MELTF: variants seen among roughly 807,000 people sequenced by gnomAD.
The protein encoded by MELTF is antigen p97 (melanoma associated) identified by monoclonal antibodies 133.2 and 96.5.
A neutral mutation model predicts 83.7 loss-of-function variants in MELTF; 67 were observed. The observed-to-expected ratio is 0.80, with a 90% confidence interval of 0.66 to 0.98. The LOEUF is 0.98. MELTF is among the 50% of genes least tolerant of loss of function. The pLI, the probability that MELTF is intolerant of heterozygous loss-of-function variation, is 0.00. For synonymous variants in MELTF, 462 were observed against 447.6 expected (o/e 1.03, Z -0.41); for missense variants, 1,002 against 1,035.6 (o/e 0.97, Z 0.44).
chr3:197,028,220 G>C (rs551586164), intron 1 of MELTF: 3 of 333,592 alleles, frequency 9.0e-6, no homozygotes, highest in Non-Finnish European at 1.1e-5. Flanking sequence ...GGGAGCACTG[G>C]CTAGGGAGTC....
chr3:197,019,096 G>A (rs192557464), intron 6 of MELTF: 3 of 985,800 alleles, frequency 3.0e-6, no homozygotes, highest in Admixed American at 1.2e-4. Flanking sequence ...ACCCGCACCA[G>A]AGTGATCGTT....
Position 197,008,623 on chromosome 3 carries a change from A to G in MELTF, c.1750+34T>C. The G allele has an allele frequency of 6.2e-7, 1 of 1,602,436 alleles. No individual in the cohort carries two copies. Among genetic ancestry groups the G allele is most frequent in the East Asian group, 2.2e-5 (1 of 44,768 alleles). ...CTGAAGATGGGGAACAGTCCCCCCGACCTACCTTTGGCCCTGCTCTTGCCC... is the reference window on the plus strand; with the variant it reads ...CTGAAGATGGGGAACAGTCCCCCCGGCCTACCTTTGGCCCTGCTCTTGCCC... On this transcript the variant is annotated intron_variant, in intron 13 of 15. Transcript: ENST00000296350. This position sits in a 1 kb window ranked among gnomAD's most constrained non-coding sequence, Gnocchi z 5.4.
Position 197,019,921 on chromosome 3 carries a change from G to GCTGGCAGGTGCGGGGAGATAA in MELTF, c.712+1462_712+1482dup, listed in dbSNP as rs1719553662. 2.9e-6 allele frequency: 4 copies of GCTGGCAGGTGCGGGGAGATAA among 1,380,718 alleles called. No individual in the cohort carries two copies. In the Admixed American group the frequency reaches 1.1e-4, roughly 38 times the overall value. The allele number at this position is 1,380,718 out of a possible 1,614,324, so 85.5% of individuals were successfully genotyped here. A position where few individuals can be genotyped will look rare whatever the true frequency, so the allele number is the denominator to read the frequency against. ...AGACAGAACGGTGTGTTTGCTGCTT[G>GCTGGCAGGTGCGGGGAGATAA]CTGGCAGGTGCGGGGAGATAACTAG... is the stretch of plus-strand genomic sequence containing the variant. On this transcript the variant is annotated intron_variant, in intron 6 of 15. Coordinates refer to ENST00000296350, the MANE Select transcript of MELTF (RefSeq NM_005929.6).
intron 6 of MELTF, among the ~76,000 whole-genome samples, chr3:197,018,442 C>A (rs910837993): frequency 1.4e-5 from 2 of 143,178 alleles, no homozygotes; most frequent in African/African-American, 5.2e-5. Flanking sequence ...TGAGCCTCCA[C>A]ACCTGGCCTT....
chr3:197,015,546 C>A (rs199842909), intron 8 of MELTF, 30 bp from the exon 9 acceptor site: 1 of 1,592,396 alleles, frequency 6.3e-7, no homozygotes, highest in African/African-American at 1.3e-5. Flanking sequence ...CGGTCACTGC[C>A]AGGCCAGTAC....
rs1719069071 is a variant in MELTF at position 197,008,791 on chromosome 3, G to T, written c.1682+18C>A. 1 of 1,613,986 alleles carries T rather than the reference G, an allele frequency of 6.2e-7. No homozygotes were observed. Among genetic ancestry groups the T allele is most frequent in the Non-Finnish European group, 8.5e-7 (1 of 1,179,938 alleles). On this transcript the variant is annotated intron_variant, in intron 12 of 15. Transcript: ENST00000296350. This position sits in a 1 kb window ranked among gnomAD's most constrained non-coding sequence, Gnocchi z 5.4. The stretch of plus-strand genomic sequence containing the variant: ...CAGCCTCTGCACACAGCCCCAGACT[G>T]CCAGGCCACCCGGGTACCTGAAGGC...
rs1718831851 is a variant in MELTF at position 197,003,383 on chromosome 3, G to A, written c.2206C>T (p.Pro736Ser). The A allele has an allele frequency of 5.5e-6, 6 of 1,082,780 alleles. No homozygotes were observed. Among genetic ancestry groups the A allele is most frequent in the Admixed American group, 5.3e-5 (1 of 18,908 alleles). The allele number at this position is 1,082,780 out of a possible 1,614,324, so 67.1% of individuals were successfully genotyped here. Residue 736 changes from proline to serine, a missense_variant, in exon 16 of 16, where the codon CCC becomes TCC. Physicochemically the swap from Pro to Ser is moderately conservative, Grantham distance 74. Coordinates refer to ENST00000296350, the MANE Select transcript of MELTF (RefSeq NM_005929.6). This position sits in a 1 kb window ranked among gnomAD's most constrained non-coding sequence, Gnocchi z 6.2. The stretch of plus-strand genomic sequence containing the variant: ...CGGGGCGGCCGGGCTCAGAGGGCGG[G>A]CGGGAGCAGGCGGGCGGCGAGGGCG... ...LPALAARLLP[P>S]AL
At chr3:197,019,045 G>T in intron 6 of MELTF, 2 of 985,438 alleles carry the variant, frequency 2.0e-6, no homozygotes, top group Non-Finnish European at 2.4e-6. Context: ...GTATGGTCAT[G>T]AAAGCTTTCA....
In MELTF at chr3:197,006,681, C is replaced by T. The variant is rs768030561; in HGVS notation, c.1806G>A (p.Leu602=). ...CCTCGGCTCGGGCCCCGTTGGGGCA[C>T]AGCAGTTCATAGTCCTCTGACCTGA... The part of the protein sequence containing the change: ...AELRSEDYEL[L]CPNGARAEVS... Residue 602 remains leucine (L), a synonymous_variant, in exon 14 of 16, where the codon CTG becomes CTA. Coordinates refer to ENST00000296350, the MANE Select transcript of MELTF (RefSeq NM_005929.6). The surrounding 1 kb of genome is among the most constrained non-coding windows in gnomAD (Gnocchi z 5.4). The T allele has an allele frequency of 3.1e-6, 5 of 1,588,160 alleles. No individual in the cohort carries two copies. The highest frequency in any genetic ancestry group is 4.3e-6 in the Non-Finnish European group (5 of 1,167,616).
At chr3:197,005,756 G>A (rs1187170117) in intron 14 of MELTF, among the ~76,000 whole-genome samples, 2 of 135,630 alleles carry the variant, frequency 1.5e-5, no homozygotes, top group East Asian at 2.1e-4. Context: ...CTGTGACCTT[G>A]ACAAGAACAG....
chr3:197,003,457 G>A lies in MELTF; in HGVS notation c.2138-6C>T, dbSNP rs1460793891. On this transcript the variant is annotated splice_region_variant and splice_polypyrimidine_tract_variant and intron_variant, in intron 15 of 15. Transcript: ENST00000296350. The surrounding 1 kb of genome is among the most constrained non-coding windows in gnomAD (Gnocchi z 6.2). The stretch of plus-strand genomic sequence containing the variant: ...CGCCCCGGGCGCCGGGGCCGCTGGG[G>A]ACGAACGCGGCGGGTCAGGCCCCGA... 4.3e-4 allele frequency: 480 copies of A among 1,106,666 alleles called. No individual in the cohort carries two copies. Among genetic ancestry groups the A allele is most frequent in the Non-Finnish European group, 4.9e-4 (450 of 909,804 alleles). 68.6% of individuals were successfully genotyped at this position (1,106,666 alleles called of 1,614,324 possible). A position where few individuals can be genotyped will look rare whatever the true frequency, so the allele number is the denominator to read the frequency against.
At position 197,006,853 on chromosome 3, in the gene MELTF, CAGCTCCCCAACCCTCT is replaced by C; in HGVS notation, c.1751-133_1751-118del. 1.0e-6 allele frequency: 1 copy of C among 957,356 alleles called. No homozygotes were observed. Among genetic ancestry groups the C allele is most frequent in the Non-Finnish European group, 1.5e-6 (1 of 688,596 alleles). The allele number at this position is 957,356 out of a possible 1,614,324, so 59.3% of individuals were successfully genotyped here. ...CCACAGGGAGGTGGCAACATCTGGC[CAGCTCCCCAACCCTCT>C]CCATTCTCCACGTGCTCTGCTGTGT... On this transcript the variant is annotated intron_variant, in intron 13 of 15. Coordinates refer to ENST00000296350, the MANE Select transcript of MELTF (RefSeq NM_005929.6). The surrounding 1 kb of genome is among the most constrained non-coding windows in gnomAD (Gnocchi z 5.4).
In MELTF at chr3:197,024,463, G is replaced by A. The variant is rs1048250327; in HGVS notation, c.327C>T (p.Ala109=). ...GGGAGCTCCTCCTGACCACAGCCACGGCGTAATAGGAGGTACCGACCTCTA... is the reference window on the plus strand; with the variant it reads ...GGGAGCTCCTCCTGACCACAGCCACAGCGTAATAGGAGGTACCGACCTCTA... ...YDQEVGTSYY[A]VAVVRRSSHV... The change falls in exon 4 of 16, where the codon GCC becomes GCT. Residue 109 remains alanine (A), a synonymous_variant. Transcript: ENST00000296350. This position sits in a 1 kb window ranked among gnomAD's most constrained non-coding sequence, Gnocchi z 5.3. 4.4e-6 allele frequency: 7 copies of A among 1,595,746 alleles called. No individual in the cohort carries two copies. Among genetic ancestry groups the A allele is most frequent in the East Asian group, 2.3e-5 (1 of 44,430 alleles).
intron 6 of MELTF, chr3:197,019,733 C>T: frequency 2.5e-6 from 4 of 1,611,994 alleles, no homozygotes; most frequent in Non-Finnish European, 3.4e-6. Context: ...CTACGTGCTT[C>T]CTCGTGTGCA....
rs746061953 is a variant in MELTF at position 197,023,042 on chromosome 3, G to A, written c.559C>T (p.Arg187Cys). ...GETSYSESLC[R>C]LCRGDSSGEG... The stretch of plus-strand genomic sequence containing the variant: ...CCAGAGCTGTCACCCCTGCAGAGGC[G>A]ACAGAGGGACTCAGAGTAACTGGTC... Residue 187 changes from arginine to cysteine, a missense_variant, in exon 5 of 16, where the codon CGC becomes TGC. Arg to Cys is a radical substitution (Grantham distance 180). Coordinates refer to ENST00000296350, the MANE Select transcript of MELTF (RefSeq NM_005929.6). 16 of 1,613,712 alleles carry A rather than the reference G, an allele frequency of 9.9e-6. No individual in the cohort carries two copies. The Admixed American group carries it at 1.0e-4, about 10-fold the overall frequency.
At chr3:197,009,078 GC>G in intron 11 of MELTF, 113 bp from the exon 12 acceptor site, 1 of 1,257,688 alleles carries the variant, frequency 8.0e-7, no homozygotes, top group Admixed American at 1.9e-5. Flanking sequence ...ACACTGCAAG[GC>G]CACCTGTCTG....
chr3:197,004,063 T>C lies in MELTF; in HGVS notation c.1975A>G (p.Lys659Glu), dbSNP rs1718886167. ...TGATAGTTGGAGGAGTCGAACATTTTGAACCCGTTCTTATTGTGGTCGTCT... is the reference window on the plus strand; with the variant it reads ...TGATAGTTGGAGGAGTCGAACATTTCGAACCCGTTCTTATTGTGGTCGTCT... Reference protein sequence around the residue: ...FGDDHNKNGFKMFDSSNYHGQ... With the variant: ...FGDDHNKNGFEMFDSSNYHGQ... The change falls in exon 15 of 16, where the codon AAA (lysine) becomes GAA (glutamate). Residue 659 changes from lysine (K) to glutamate (E), a missense_variant. Coordinates refer to ENST00000296350, the MANE Select transcript of MELTF (RefSeq NM_005929.6). The C allele has an allele frequency of 3.7e-6, 6 of 1,614,198 alleles. No individual in the cohort carries two copies. The highest frequency in any genetic ancestry group is 3.4e-6 in the Non-Finnish European group (4 of 1,180,036).
intron 14 of MELTF, among the ~76,000 whole-genome samples, chr3:197,005,234 C>T (rs927878475): frequency 1.3e-5 from 2 of 151,934 alleles, no homozygotes; most frequent in African/African-American, 2.4e-5. Flanking sequence ...CTGTAGAGCA[C>T]GAGAGGAAGA....
In MELTF at chr3:197,014,204, A is replaced by G. The variant is rs1019811921; in HGVS notation, c.1233+1161T>C. On this transcript the variant is annotated intron_variant, in intron 9 of 15. Transcript: ENST00000296350. Reference sequence around the variant, plus strand: ...AAAAGAATGAAATCCTGTCACTGGCAGCAACACGGACGGAACTGGGGGACA... The same window carrying G: ...AAAAGAATGAAATCCTGTCACTGGCGGCAACACGGACGGAACTGGGGGACA... Among the ~76,000 whole-genome samples, 10 of 152,332 alleles carry G rather than the reference A, an allele frequency of 6.6e-5. No homozygotes were observed. In the East Asian group the frequency reaches 1.7e-3, roughly 26 times the overall value.
Sources: allele counts gnomAD v4.1 joint callset (sites outside exome capture counted in the v4.1 genomes callset), GRCh38; gene constraint gnomAD v4.1.1; non-coding constraint Gnocchi (gnomAD v3.1); transcripts MANE v1.5; gene names NCBI Gene and HGNC (gene_info 2026-07-23, HGNC 2026-07-21).